NPIPA7: variants seen among roughly 807,000 people sequenced by gnomAD.
NPIPA7 encodes the protein nuclear pore complex interacting protein family member A7, also known as nuclear pore complex-interacting protein family member A7.
chr16:16,388,613 T>C (rs1480904783), intron 4 of NPIPA7, among the ~76,000 whole-genome samples: 2 of 10,600 alleles, frequency 1.9e-4, no homozygotes, highest in Non-Finnish European at 1.8e-4. Context: ...TCACTGCAAC[T>C]TCCGCCTCCC....
intron 2 of NPIPA7, among the ~76,000 whole-genome samples, chr16:16,386,727 C>T (rs555075993): frequency 0.1 from 12,881 of 128,680 alleles, 820 homozygotes; most frequent in Admixed American, 0.16. Flanking sequence ...GGATTACAGG[C>T]GTGAGCTACA....
intron 2 of NPIPA7, among the ~76,000 whole-genome samples, chr16:16,386,771 CAG>C (rs1429345248): frequency 6.8e-5 from 8 of 117,020 alleles, no homozygotes; most frequent in African/African-American, 2.5e-4. Context: ...TTTTTTGAGA[CAG>C]AGTTTGAATT....
chr16:16,386,678 G>C (rs981858674), intron 2 of NPIPA7, among the ~76,000 whole-genome samples: 3 of 125,380 alleles, frequency 2.4e-5, no homozygotes, highest in African/African-American at 8.7e-5. Flanking sequence ...TCCATCTCTT[G>C]ACCTTGTGAT....
chr16:16,388,049 CTCTTTTT>C (rs1374959215), intron 4 of NPIPA7, among the ~76,000 whole-genome samples: 1 of 45,036 alleles, frequency 2.2e-5, no homozygotes, highest in Non-Finnish European at 3.7e-5. Flanking sequence ...TCCTTTCTCT[CTCTTTTT>C]TTTTTTTTTT....
intron 4 of NPIPA7, among the ~76,000 whole-genome samples, chr16:16,388,050 TC>T (rs373875250): frequency 0.71 from 36,275 of 51,380 alleles, 13,516 homozygotes; most frequent in East Asian, 0.85. Flanking sequence ...CCTTTCTCTC[TC>T]TTTTTTTTTT....
intron 2 of NPIPA7, among the ~76,000 whole-genome samples, chr16:16,386,825 C>A (rs1283131049): frequency 1.3e-4 from 17 of 126,974 alleles, no homozygotes; most frequent in African/African-American, 2.5e-4. Context: ...TCTCAGCTCA[C>A]CACAACCTTT....
In NPIPA7 at chr16:16,386,665, A is replaced by G. The variant is rs1374309269; in HGVS notation, c.193-734A>G. On this transcript the variant is annotated intron_variant, in intron 2 of 7. Coordinates refer to ENST00000530217, the Ensembl canonical transcript of NPIPA7. Reference sequence around the variant, plus strand: ...GGGTTTCACCATGTTGCCCAGGATGATCTCCATCTCTTGACCTTGTGATTC... The same window carrying G: ...GGGTTTCACCATGTTGCCCAGGATGGTCTCCATCTCTTGACCTTGTGATTC... Among the ~76,000 whole-genome samples the G allele has an allele frequency of 7.7e-3, 918 of 119,386 alleles. 3 individuals carry two copies. Among genetic ancestry groups the G allele is most frequent in the African/African-American group, 0.023 (764 of 32,656 alleles). 78.3% of individuals were successfully genotyped at this position (119,386 alleles called of 152,430 possible). A position where few individuals can be genotyped will look rare whatever the true frequency, so the allele number is the denominator to read the frequency against.
intron 4 of NPIPA7, among the ~76,000 whole-genome samples, chr16:16,388,548 T>G (rs1242585997): frequency 1.1e-3 from 52 of 48,588 alleles, no homozygotes; most frequent in African/African-American, 3.6e-3. Context: ...TTTTTTTTTT[T>G]GAGACGGAGT....
chr16:16,388,064 T>TC, intron 4 of NPIPA7, among the ~76,000 whole-genome samples: 1 of 78,176 alleles, frequency 1.3e-5, no homozygotes, highest in South Asian at 4.4e-4. Flanking sequence ...TTTTTTTTTT[T>TC]TTTTTCCTGA....
At chr16:16,388,522 A>ATT (rs58017407) in intron 4 of NPIPA7, among the ~76,000 whole-genome samples, 6 of 28,830 alleles carry the variant, frequency 2.1e-4, no homozygotes, top group Non-Finnish European at 3.3e-4. Context: ...CATTCGGCCA[A>ATT]TTTTTTTTTT....
rs1310919168 is a variant in NPIPA7 at position 16,388,099 on chromosome 16, A to G, written c.437+293A>G. ...AGATGGGGCTTTGCTCTTGTTGCCC[A>G]GGCTGCAGTTCAATGGCACAATCTC... On this transcript the variant is annotated intron_variant, in intron 4 of 7. Transcript: ENST00000530217. Among the ~76,000 whole-genome samples the G allele has an allele frequency of 9.6e-5, 3 of 31,318 alleles. 1 individual carries two copies. Among genetic ancestry groups the G allele is most frequent in the African/African-American group, 3.8e-4 (2 of 5,310 alleles). 20.5% of individuals were successfully genotyped at this position (31,318 alleles called of 152,430 possible). A position where few individuals can be genotyped will look rare whatever the true frequency, so the allele number is the denominator to read the frequency against.
At chr16:16,386,699 C>T (rs1334495941) in intron 2 of NPIPA7, among the ~76,000 whole-genome samples, 18 of 130,376 alleles carry the variant, frequency 1.4e-4, no homozygotes, top group South Asian at 2.6e-4. Context: ...TCACCCGCCT[C>T]GGCCTCCCAA....
In NPIPA7 at chr16:16,387,060, TTGTGTGTGTGTG is replaced by T. The variant is rs374685325; in HGVS notation, c.193-314_193-303del. On this transcript the variant is annotated intron_variant, in intron 2 of 7. Coordinates refer to ENST00000530217, the Ensembl canonical transcript of NPIPA7. ...CACCCTGCCAGCCTCATGTCATTCT[TTGTGTGTGTGTG>T]TGTGTGTGTGTGTGTGTGTGTGTGA... Among the ~76,000 whole-genome samples, 9 of 101,536 alleles carry T rather than the reference TTGTGTGTGTGTG, an allele frequency of 8.9e-5. 1 individual carries two copies. The highest frequency in any genetic ancestry group is 4.1e-4 in the East Asian group (1 of 2,426). 66.6% of individuals were successfully genotyped at this position (101,536 alleles called of 152,430 possible). A position where few individuals can be genotyped will look rare whatever the true frequency, so the allele number is the denominator to read the frequency against.
intron 1 of NPIPA7, among the ~76,000 whole-genome samples, chr16:16,382,134 G>A (rs1197919194): frequency 2.7e-5 from 3 of 109,172 alleles, no homozygotes; most frequent in African/African-American, 4.2e-5. Context: ...CTTATGCTGA[G>A]CTTTAAATGA....
intron 2 of NPIPA7, among the ~76,000 whole-genome samples, chr16:16,386,373 A>C (rs2050126432): frequency 7.1e-6 from 1 of 140,480 alleles, no homozygotes; most frequent in Non-Finnish European, 1.6e-5. Context: ...CTGTGGTAAA[A>C]TACTTACAAG....
Position 16,388,026 on chromosome 16 carries a change from A to T in NPIPA7, c.437+220A>T, listed in dbSNP as rs2050199480. Among the ~76,000 whole-genome samples, 2 of 89,732 alleles carry T rather than the reference A, an allele frequency of 2.2e-5. 1 individual carries two copies. The highest frequency in any genetic ancestry group is 1.3e-4 in the African/African-American group (2 of 15,306). The allele number at this position is 89,732 out of a possible 152,430, so 58.9% of individuals were successfully genotyped here. ...TTTCAGGGGAAGAGGAGTTGCTAGT[A>T]CTGCATTGGTTTTCCTTTCTCTCTC... On this transcript the variant is annotated intron_variant, in intron 4 of 7. Coordinates refer to ENST00000530217, the Ensembl canonical transcript of NPIPA7.
At chr16:16,386,956 T>C (rs1302615028) in intron 2 of NPIPA7, among the ~76,000 whole-genome samples, 30 of 144,174 alleles carry the variant, frequency 2.1e-4, no homozygotes, top group African/African-American at 6.7e-4. Flanking sequence ...TCCATGTTGG[T>C]GAGGCTGGTC....
intron 2 of NPIPA7, among the ~76,000 whole-genome samples, chr16:16,386,447 ATTT>A (rs1197508092): frequency 3.2e-3 from 98 of 30,450 alleles, no homozygotes; most frequent in East Asian, 0.023. Flanking sequence ...TATTCATGTC[ATTT>A]TTTTTTTTTT....
At chr16:16,386,132 T>C (rs2050119928) in intron 2 of NPIPA7, among the ~76,000 whole-genome samples, 1 of 94,146 alleles carries the variant, frequency 1.1e-5, no homozygotes, top group Non-Finnish European at 2.2e-5. Context: ...TGTGATAATA[T>C]GGAAATCTTG....
Sources: gnomAD v4.1 joint callset for allele counts (sites outside exome capture counted in the v4.1 genomes callset) on GRCh38, gnomAD v4.1.1 for gene constraint, MANE v1.5 for transcripts, NCBI Gene and HGNC (gene_info 2026-07-23, HGNC 2026-07-21) for gene names.